The following CDC14A variants were observed in gnomAD, a reference collection of about 807,000 sequenced individuals.
The protein encoded by CDC14A is cell division cycle 14A.
In CDC14A, 53 loss-of-function variants were observed where a neutral mutation model predicts 74.4. The ratio of observed to expected loss-of-function variants is 0.71; its 90% CI spans 0.57 to 0.89. The LOEUF is 0.89. Ranked by LOEUF, CDC14A falls within the 40% of genes least tolerant of loss-of-function variation. The probability of loss-of-function intolerance (pLI) is 0.00; values close to 1 mark genes in which losing one functional copy is unlikely to be tolerated. For synonymous variants in CDC14A, 247 were observed against 258.4 expected (o/e 0.96, Z 0.43); for missense variants, 646 against 713.7 (o/e 0.91, Z 1.08).
intron 4 of CDC14A, among the ~76,000 whole-genome samples, chr1:100,403,067 G>A (rs1659487432): frequency 6.6e-6 from 1 of 152,186 alleles, no homozygotes; most frequent in South Asian, 2.1e-4. Context: ...AGTGCAAGGA[G>A]TGATAGGGGG....
chr1:100,461,302 G>A (rs543161497), intron 8 of CDC14A, among the ~76,000 whole-genome samples: 37 of 152,302 alleles, frequency 2.4e-4, no homozygotes, highest in Non-Finnish European at 4.0e-4. Flanking sequence ...AATGTAGGGC[G>A]TAGTATATGG....
intron 2 of CDC14A, among the ~76,000 whole-genome samples, chr1:100,356,496 C>T (rs2100880809): frequency 6.6e-6 from 1 of 151,872 alleles, no homozygotes; most frequent in Middle Eastern, 3.4e-3. Context: ...ATATATCCTT[C>T]TCAAAAAATT....
intron 11 of CDC14A, chr1:100,485,322 C>T (rs1669920012): frequency 2.0e-6 from 2 of 984,178 alleles, no homozygotes; most frequent in Non-Finnish European, 2.4e-6. Context: ...CCACGTTATA[C>T]CTGAGGTGAA....
At chr1:100,412,914 A>G (rs903611635) in intron 4 of CDC14A, among the ~76,000 whole-genome samples, 1 of 150,252 alleles carries the variant, frequency 6.7e-6, no homozygotes, top group Non-Finnish European at 1.5e-5. Flanking sequence ...AAAAAAATCT[A>G]TGCACATTTA....
Position 100,496,047 on chromosome 1 carries a change from C to G in CDC14A, c.1296C>G (p.Phe432Leu), listed in dbSNP as rs1306830125. The G allele has an allele frequency of 6.2e-7, 1 of 1,612,798 alleles. No individual in the cohort carries two copies. Among genetic ancestry groups the G allele is most frequent in the East Asian group, 2.2e-5 (1 of 44,874 alleles). ...KGHPRAVSQPFRLSSSLQGSA... is the reference protein window; with the variant it reads ...KGHPRAVSQPLRLSSSLQGSA... ...ATCCAAGAGCAGTGTCCCAGCCTTT[C>G]AGGTACTGCCAATGAGGTTGAATGT... The change falls in exon 13 of 16, where the codon TTC becomes TTG. Residue 432 changes from phenylalanine (F) to leucine (L), a missense_variant and splice_region_variant. By Grantham distance (22) the Phe-to-Leu change is conservative. Transcript: ENST00000336454.
In CDC14A at chr1:100,443,015, T is replaced by C. The variant is rs764343973; in HGVS notation, c.519+19T>C. On this transcript the variant is annotated intron_variant, in intron 7 of 15. Coordinates refer to ENST00000336454, the MANE Select transcript of CDC14A (RefSeq NM_003672.4). ...TTATGAGGTTTGTACATTTAATTTT[T>C]TTTACAAAACATAATTTCATGTTGA... 6.7e-7 allele frequency: 1 copy of C among 1,496,276 alleles called. No individual in the cohort carries two copies. Among genetic ancestry groups the C allele is most frequent in the South Asian group, 1.1e-5 (1 of 87,232 alleles). 92.7% of individuals were successfully genotyped at this position (1,496,276 alleles called of 1,614,324 possible).
intron 15 of CDC14A, among the ~76,000 whole-genome samples, chr1:100,512,174 T>C (rs1166662523): frequency 6.6e-6 from 1 of 151,992 alleles, no homozygotes; most frequent in African/African-American, 2.4e-5. Context: ...CTTTCTCGAC[T>C]CTCCTAGGAG....
intron 7 of CDC14A, among the ~76,000 whole-genome samples, chr1:100,452,259 C>G (rs1303820276): frequency 6.6e-6 from 1 of 152,100 alleles, no homozygotes; most frequent in African/African-American, 2.4e-5. Flanking sequence ...TGCCTGTAAT[C>G]CCAGCACTTT....
intron 7 of CDC14A, among the ~76,000 whole-genome samples, chr1:100,452,541 T>C (rs1188932929): frequency 6.6e-6 from 1 of 152,158 alleles, no homozygotes; most frequent in Non-Finnish European, 1.5e-5. Flanking sequence ...TAAAAATTCA[T>C]GTTTTTTAGT....
In CDC14A at chr1:100,455,476, A is replaced by G; in HGVS notation, c.591A>G (p.Lys197=). 1 of 1,588,504 alleles carries G rather than the reference A, an allele frequency of 6.3e-7. No homozygotes were observed. The highest frequency in any genetic ancestry group is 8.5e-7 in the Non-Finnish European group (1 of 1,169,962). The change falls in exon 8 of 16, where the codon AAA becomes AAG. Residue 197 remains lysine, a synonymous_variant. Coordinates refer to ENST00000336454, the MANE Select transcript of CDC14A (RefSeq NM_003672.4). ...TAGCATTTAGTGGACCACATCCTAA[A>G]AGCAAAATTGAGAATGGTAGGTTTT... ...KFLAFSGPHP[K]SKIENGYPLH... is the part of the protein sequence containing the mutation.
At chr1:100,482,321 T>C (rs1451954216) in intron 10 of CDC14A, among the ~76,000 whole-genome samples, 7 of 152,196 alleles carry the variant, frequency 4.6e-5, no homozygotes, top group Non-Finnish European at 8.8e-5. Flanking sequence ...TAGGATGACA[T>C]GCAAGGCCCA....
chr1:100,380,062 A>C (rs370949823), intron 3 of CDC14A, among the ~76,000 whole-genome samples: 3 of 152,194 alleles, frequency 2.0e-5, no homozygotes, highest in Admixed American at 2.0e-4. Flanking sequence ...AGCTTTGTAC[A>C]TTTTAAAGTC....
chr1:100,498,094 A>G lies in CDC14A; in HGVS notation c.1308A>G (p.Ser436=). Reference sequence around the variant, plus strand: ...ATTTTTCTCCGCAAAGATTAAGTTCATCCCTGCAAGGATCTGCAGTTACTT... The same window carrying G: ...ATTTTTCTCCGCAAAGATTAAGTTCGTCCCTGCAAGGATCTGCAGTTACTT... ...RAVSQPFRLS[S]SLQGSAVTLK... Residue 436 remains serine (S), a synonymous_variant, in exon 14 of 16, where the codon TCA becomes TCG. Coordinates refer to ENST00000336454, the MANE Select transcript of CDC14A (RefSeq NM_003672.4). The G allele has an allele frequency of 6.2e-7, 1 of 1,612,418 alleles. No individual in the cohort carries two copies. The highest frequency in any genetic ancestry group is 1.1e-5 in the South Asian group (1 of 90,572).
At chr1:100,383,807 A>AT (rs1656475279) in intron 3 of CDC14A, among the ~76,000 whole-genome samples, 1 of 152,154 alleles carries the variant, frequency 6.6e-6, no homozygotes, top group African/African-American at 2.4e-5. Flanking sequence ...AGTCAGACTG[A>AT]TTCATACAGC....
intron 9 of CDC14A, among the ~76,000 whole-genome samples, chr1:100,465,401 A>G (rs1667700145): frequency 6.6e-6 from 1 of 152,144 alleles, no homozygotes; most frequent in East Asian, 1.9e-4. Flanking sequence ...CACACGTAGG[A>G]TTCTTTTATA....
At chr1:100,480,102 C>A (rs1453331584) in intron 10 of CDC14A, among the ~76,000 whole-genome samples, 1 of 152,150 alleles carries the variant, frequency 6.6e-6, no homozygotes, top group Admixed American at 6.6e-5. Flanking sequence ...CAGACTGTTT[C>A]ATCATTCCAA....
chr1:100,506,128 AT>A (rs1221036185), intron 15 of CDC14A, among the ~76,000 whole-genome samples: 5 of 152,298 alleles, frequency 3.3e-5, no homozygotes, highest in Middle Eastern at 6.8e-3. Context: ...TCAACAGGAC[AT>A]TTGGAGGGGA....
chr1:100,477,544 A>G (rs3767832), intron 10 of CDC14A, among the ~76,000 whole-genome samples: 50,870 of 151,712 alleles, frequency 0.34, 9,957 homozygotes, highest in South Asian at 0.46. Context: ...TCAGAGAGAC[A>G]AGGACTTATC....
At chr1:100,510,057 A>G (rs1438954220) in intron 15 of CDC14A, among the ~76,000 whole-genome samples, 1 of 147,908 alleles carries the variant, frequency 6.8e-6, no homozygotes, top group Admixed American at 6.6e-5. Flanking sequence ...CCTCGTTTCC[A>G]TGCTCTCCTG....
Sources: allele counts gnomAD v4.1 joint callset (sites outside exome capture counted in the v4.1 genomes callset), GRCh38; gene constraint gnomAD v4.1.1; transcripts MANE v1.5; gene names NCBI Gene and HGNC (gene_info 2026-07-23, HGNC 2026-07-21).